Variants in FMN1 observed in about 807,000 individuals in gnomAD.
FMN1 encodes the protein formin 1, also known as formin-1.
In FMN1, 110 loss-of-function variants were observed where a neutral mutation model predicts 132.4. The ratio of observed to expected loss-of-function variants is 0.83; its 90% CI spans 0.71 to 0.97. The LOEUF is 0.97. Ranked by LOEUF, FMN1 falls within the 50% of genes least tolerant of loss-of-function variation. The pLI is 0.00. For missense variants in FMN1, 1,792 were observed against 1,705.3 expected (o/e 1.05, Z -0.90); for synonymous variants, 722 against 651.7 (o/e 1.11, Z -1.64).
intron 7 of FMN1, among the ~76,000 whole-genome samples, chr15:32,969,766 C>A (rs914789728): frequency 2.6e-5 from 4 of 152,140 alleles, no homozygotes; most frequent in African/African-American, 9.7e-5. Context: ...GAACTCTTAC[C>A]CAATTTGCAT....
rs114530147 is a variant in FMN1, at chr15:32,924,755, A to T, written c.3226+1419T>A. On this transcript the variant is annotated intron_variant, in intron 10 of 20. Coordinates refer to ENST00000616417, the MANE Select transcript of FMN1 (RefSeq NM_001277313.2). ...ACCAACATGGAGAAGCCCCATCTCT[A>T]CTTAAAAAATTAGCTGTATGTTATG... Among the ~76,000 whole-genome samples, 1,285 of 152,344 alleles carry T rather than the reference A, an allele frequency of 8.4e-3. 15 individuals carry two copies. The highest frequency in any genetic ancestry group is 0.029 in the African/African-American group (1,226 of 41,574).
chr15:32,808,634 A>AT (rs1432346435), intron 17 of FMN1, among the ~76,000 whole-genome samples: 1 of 152,188 alleles, frequency 6.6e-6, no homozygotes, highest in Non-Finnish European at 1.5e-5. Flanking sequence ...GGGAATAATA[A>AT]GATCTACCTT....
At chr15:32,857,257 G>T in intron 16 of FMN1, 150 bp from the exon 17 acceptor site, 1 of 634,988 alleles carries the variant, frequency 1.6e-6, no homozygotes, top group Non-Finnish European at 2.8e-6. Flanking sequence ...GGGGGCAGGG[G>T]GAACAAAACC....
chr15:32,936,556 T>C (rs1481607376), intron 9 of FMN1, among the ~76,000 whole-genome samples: 7 of 152,140 alleles, frequency 4.6e-5, no homozygotes, highest in Non-Finnish European at 8.8e-5. Flanking sequence ...AGCTCCTTTT[T>C]GTTCTCATCT....
intron 6 of FMN1, among the ~76,000 whole-genome samples, chr15:33,015,694 C>T (rs1566827577): frequency 1.5e-5 from 2 of 137,570 alleles, no homozygotes; most frequent in African/African-American, 2.5e-5. Flanking sequence ...TTTTCAAGTA[C>T]ATATGTGACT....
At chr15:32,829,823 A>C (rs2058459215) in intron 17 of FMN1, among the ~76,000 whole-genome samples, 1 of 152,174 alleles carries the variant, frequency 6.6e-6, no homozygotes, top group Non-Finnish European at 1.5e-5. Flanking sequence ...CTATATCTAG[A>C]TAGAACTCTT....
At chr15:33,113,366 G>A (rs992370127) in intron 4 of FMN1, among the ~76,000 whole-genome samples, 39 of 152,026 alleles carry the variant, frequency 2.6e-4, no homozygotes, top group African/African-American at 8.4e-4. Context: ...AACTATATAA[G>A]CTTATTTTTT....
At chr15:33,091,870 A>G (rs775923959) in intron 4 of FMN1, among the ~76,000 whole-genome samples, 1 of 152,216 alleles carries the variant, frequency 6.6e-6, no homozygotes, top group Non-Finnish European at 1.5e-5. Context: ...CTGTCATTTA[A>G]TTTTCCGACA....
At chr15:32,931,996 TTAATG>T (rs2061130750) in intron 9 of FMN1, among the ~76,000 whole-genome samples, 2 of 152,254 alleles carry the variant, frequency 1.3e-5, no homozygotes, top group South Asian at 2.1e-4. Flanking sequence ...ATTTGTTCTT[TTAATG>T]TAATATATCA....
intron 4 of FMN1, among the ~76,000 whole-genome samples, chr15:33,091,436 T>C (rs905750802): frequency 1.3e-5 from 2 of 152,174 alleles, no homozygotes; most frequent in Non-Finnish European, 2.9e-5. Flanking sequence ...CTGGAAATGG[T>C]TTTAGTTTTA....
rs1020950279 is a variant in FMN1, at chr15:33,118,736, TTAAA to T, written c.1868-29766_1868-29763del. Reference sequence around the variant, plus strand: ...ATACAAATATTTTCACCTATTTTGGTTAAATAATCTAGATTAAGTATTTCTTGAT... The same window carrying T: ...ATACAAATATTTTCACCTATTTTGGTTAATCTAGATTAAGTATTTCTTGAT... On this transcript the variant is annotated intron_variant, in intron 4 of 20. Coordinates refer to ENST00000616417, the MANE Select transcript of FMN1 (RefSeq NM_001277313.2). 1.6e-4 allele frequency among the ~76,000 whole-genome samples: 25 copies of T among 152,170 alleles called. No individual in the cohort carries two copies. In the East Asian group the frequency reaches 1.7e-3, roughly 11 times the overall value.
intron 6 of FMN1, among the ~76,000 whole-genome samples, chr15:33,041,469 T>TAA (rs139935085): frequency 0.28 from 34,389 of 123,280 alleles, 5,969 homozygotes; most frequent in Middle Eastern, 0.34. Context: ...TCCTCACCAG[T>TAA]AAACAAAAAA....
chr15:33,127,133 C>A (rs1542374), intron 4 of FMN1, among the ~76,000 whole-genome samples: 4 of 152,136 alleles, frequency 2.6e-5, no homozygotes, highest in Non-Finnish European at 4.4e-5. Context: ...TGTTAACAAG[C>A]AGTAGCAGAC....
Position 33,194,687 on chromosome 15 carries a change from G to C in FMN1, c.-458C>G, listed in dbSNP as rs1199351613. ...CGGCTGCAGCCTCGAAGGATGCTGC[G>C]CTCCAGTCCAGAGCCAAAGCCCAAA... On this transcript the variant is annotated 5_prime_UTR_variant, in exon 1 of 21. Coordinates refer to ENST00000616417, the MANE Select transcript of FMN1 (RefSeq NM_001277313.2). 6.6e-6 allele frequency: 1 copy of C among 152,216 alleles called. No individual in the cohort carries two copies. The highest frequency in any genetic ancestry group is 2.4e-5 in the African/African-American group (1 of 41,440). The allele number at this position is 152,216 out of a possible 1,614,324, so 9.4% of individuals were successfully genotyped here.
At chr15:33,041,056 G>GCATTTCAT (rs2036410829) in intron 6 of FMN1, among the ~76,000 whole-genome samples, 1 of 151,866 alleles carries the variant, frequency 6.6e-6, no homozygotes, top group African/African-American at 2.4e-5. Flanking sequence ...GTCAAATTCA[G>GCATTTCAT]CATTTCATCA....
intron 6 of FMN1, 62 bp from the exon 7 acceptor site, chr15:33,008,137 A>G (rs2034516895): frequency 7.9e-7 from 1 of 1,262,546 alleles, no homozygotes; most frequent in Non-Finnish European, 1.1e-6. Flanking sequence ...AAATTTATCT[A>G]CTGGTCCTCT....
At chr15:33,085,072 C>T (rs2141342732) in intron 5 of FMN1, among the ~76,000 whole-genome samples, 1 of 152,244 alleles carries the variant, frequency 6.6e-6, no homozygotes. Context: ...TTGTGAGCTG[C>T]TAGTCATTAA....
intron 17 of FMN1, among the ~76,000 whole-genome samples, chr15:32,846,266 A>G (rs1258787): frequency 0.25 from 38,049 of 152,092 alleles, 5,298 homozygotes; most frequent in East Asian, 0.44. Flanking sequence ...CTGCACAACA[A>G]AAGAAACTAG....
chr15:32,928,067 C>T (rs2061006550), intron 9 of FMN1, among the ~76,000 whole-genome samples: 2 of 152,286 alleles, frequency 1.3e-5, no homozygotes, highest in African/African-American at 2.4e-5. Context: ...GTTGATTAAT[C>T]GATCTTGAAT....
Sources: gnomAD v4.1 joint callset for allele counts (sites outside exome capture counted in the v4.1 genomes callset) on GRCh38, gnomAD v4.1.1 for gene constraint, MANE v1.5 for transcripts, NCBI Gene and HGNC (gene_info 2026-07-23, HGNC 2026-07-21) for gene names.